Variants in GRIN2A observed in about 807,000 individuals in gnomAD.
GRIN2A encodes glutamate receptor ionotropic, NMDA 2A.
A neutral mutation model predicts 113.4 loss-of-function variants in GRIN2A; 22 were observed. That is an observed-to-expected ratio of 0.19 (90% CI 0.14 to 0.28). The LOEUF is 0.28. Ranked by LOEUF, GRIN2A falls within the 10% of genes least tolerant of loss-of-function variation. The probability of loss-of-function intolerance (pLI) is 1.00; values close to 1 mark genes in which losing one functional copy is unlikely to be tolerated. For missense variants in GRIN2A, 1,502 were observed against 1,887.0 expected (o/e 0.80, Z 3.78); for synonymous variants, 827 against 738.4 (o/e 1.12, Z -1.94).
chr16:10,138,464 G>A (rs543385376), intron 2 of GRIN2A, among the ~76,000 whole-genome samples: 1 of 152,272 alleles, frequency 6.6e-6, no homozygotes, highest in Non-Finnish European at 1.5e-5. Context: ...GGGTAGAAAA[G>A]AAGCAATTGA....
chr16:10,126,048 C>T (rs976751034), intron 2 of GRIN2A, among the ~76,000 whole-genome samples: 5 of 152,100 alleles, frequency 3.3e-5, no homozygotes, highest in Non-Finnish European at 7.4e-5. Flanking sequence ...GCTTAGAGCT[C>T]CTTCCAACTG....
intron 10 of GRIN2A, among the ~76,000 whole-genome samples, chr16:9,806,001 A>G (rs1567311321): frequency 6.6e-6 from 1 of 152,252 alleles, no homozygotes; most frequent in Non-Finnish European, 1.5e-5. Context: ...GTTTGTGAAT[A>G]CAAACTCTAA....
intron 2 of GRIN2A, among the ~76,000 whole-genome samples, chr16:10,040,223 C>A (rs1376514765): frequency 2.0e-5 from 3 of 149,508 alleles, no homozygotes; most frequent in Admixed American, 6.7e-5. Flanking sequence ...CATGCAAATA[C>A]ACTACACACA....
chr16:10,105,882 C>T (rs934103353), intron 2 of GRIN2A, among the ~76,000 whole-genome samples: 3 of 152,078 alleles, frequency 2.0e-5, no homozygotes, highest in Non-Finnish European at 4.4e-5. Context: ...ACGCCAGCCT[C>T]GGTGACAAGG....
At position 9,883,778 on chromosome 16, in the gene GRIN2A, G is replaced by T. The variant is rs540214095; in HGVS notation, c.1122+7208C>A. On this transcript the variant is annotated intron_variant, in intron 4 of 12. Coordinates refer to ENST00000330684, the MANE Select transcript of GRIN2A (RefSeq NM_001134407.3). ...GAGACAGATCTGGGCTGGAGGGAGA[G>T]ATCTGGTTGTATTTCTGTGCAAAAT... Among the ~76,000 whole-genome samples the T allele has an allele frequency of 6.6e-5, 10 of 152,266 alleles. No homozygotes were observed. In the South Asian group the frequency reaches 1.9e-3, roughly 28 times the overall value.
At chr16:9,956,288 C>A (rs899966564) in intron 2 of GRIN2A, among the ~76,000 whole-genome samples, 2 of 152,132 alleles carry the variant, frequency 1.3e-5, no homozygotes, top group South Asian at 4.1e-4. Context: ...TACCTATAAG[C>A]CACATAATAC....
chr16:10,087,098 G>C (rs983101415), intron 2 of GRIN2A, among the ~76,000 whole-genome samples: 1 of 152,214 alleles, frequency 6.6e-6, no homozygotes, highest in Non-Finnish European at 1.5e-5. Context: ...AGGCTCGAGA[G>C]TCTGACCAAG....
At chr16:9,918,254 T>A (rs1296228906) in intron 3 of GRIN2A, among the ~76,000 whole-genome samples, 1 of 152,130 alleles carries the variant, frequency 6.6e-6, no homozygotes, top group East Asian at 1.9e-4. Context: ...TACTGCAGTA[T>A]CTCCCTATCC....
chr16:10,034,354 A>C (rs568342006), intron 2 of GRIN2A, among the ~76,000 whole-genome samples: 4 of 151,768 alleles, frequency 2.6e-5, no homozygotes, highest in African/African-American at 9.7e-5. Flanking sequence ...GTGAAACCCT[A>C]TCTCTACTAA....
intron 2 of GRIN2A, among the ~76,000 whole-genome samples, chr16:10,128,702 G>A (rs1179699449): frequency 1.3e-5 from 2 of 152,182 alleles, no homozygotes; most frequent in African/African-American, 2.4e-5. Flanking sequence ...ATCTTTACAT[G>A]CTAAATGTCT....
intron 2 of GRIN2A, among the ~76,000 whole-genome samples, chr16:10,030,188 TAA>T (rs34852837): frequency 1.3e-4 from 20 of 151,052 alleles, no homozygotes; most frequent in South Asian, 6.3e-4. Flanking sequence ...GGTGATTTTT[TAA>T]AAAAAAATCA....
In GRIN2A at chr16:9,874,598, C is replaced by G. The variant is rs545730215; in HGVS notation, c.1122+16388G>C. 5.3e-5 allele frequency among the ~76,000 whole-genome samples: 8 copies of G among 152,268 alleles called. No homozygotes were observed. The East Asian group carries it at 1.6e-3, about 30-fold the overall frequency. ...TTCACTACTGATATATGAACGCCACCCATCTCTACCATAAGGTACTGTAGA... is the reference window on the plus strand; with the variant it reads ...TTCACTACTGATATATGAACGCCACGCATCTCTACCATAAGGTACTGTAGA... On this transcript the variant is annotated intron_variant, in intron 4 of 12. Coordinates refer to ENST00000330684, the MANE Select transcript of GRIN2A (RefSeq NM_001134407.3).
chr16:10,050,274 G>A (rs2047334575), intron 2 of GRIN2A, among the ~76,000 whole-genome samples: 1 of 152,192 alleles, frequency 6.6e-6, no homozygotes, highest in Non-Finnish European at 1.5e-5. Flanking sequence ...GACCTCTGGA[G>A]TAGGGATCCC....
chr16:9,906,922 G>A (rs1451605959), intron 3 of GRIN2A, among the ~76,000 whole-genome samples: 10 of 152,214 alleles, frequency 6.6e-5, no homozygotes, highest in South Asian at 2.1e-4. Flanking sequence ...AGCTCACTGC[G>A]GCCTCAACCT....
intron 9 of GRIN2A, among the ~76,000 whole-genome samples, chr16:9,828,067 G>A (rs2042420061): frequency 6.6e-6 from 1 of 152,180 alleles, no homozygotes; most frequent in African/African-American, 2.4e-5. Flanking sequence ...ACTTCCCTGA[G>A]GAGGTAATGT....
intron 3 of GRIN2A, among the ~76,000 whole-genome samples, chr16:9,928,786 T>C (rs1367703965): frequency 6.6e-6 from 1 of 152,138 alleles, no homozygotes. Flanking sequence ...ACCCAAAGCT[T>C]CATCACTTCC....
intron 12 of GRIN2A, among the ~76,000 whole-genome samples, chr16:9,768,203 G>GGC (rs1281564080): frequency 6.6e-6 from 1 of 152,082 alleles, no homozygotes; most frequent in East Asian, 1.9e-4. Context: ...TGGGACTACA[G>GGC]GCGCCCGGCT....
In GRIN2A at chr16:9,759,009, T is replaced by C. The variant is rs370274834; in HGVS notation, c.*4140A>G. 2 of 222,066 alleles carry C rather than the reference T, an allele frequency of 9.0e-6. No individual in the cohort carries two copies. The highest frequency in any genetic ancestry group is 2.2e-5 in the African/African-American group (1 of 44,738). The allele number at this position is 222,066 out of a possible 1,614,324, so 13.8% of individuals were successfully genotyped here. ...AGTCCAATCATGTCTACTATAGCCA[T>C]GGTTAATACAAACAGGCTCCATTTC... On this transcript the variant is annotated 3_prime_UTR_variant, in exon 13 of 13. Transcript: ENST00000330684.
chr16:10,102,929 C>T (rs965865087), intron 2 of GRIN2A, among the ~76,000 whole-genome samples: 4 of 152,228 alleles, frequency 2.6e-5, no homozygotes, highest in African/African-American at 9.6e-5. Context: ...ATCCCACTCA[C>T]AGACATGGAG....
Sources: allele counts gnomAD v4.1 joint callset (sites outside exome capture counted in the v4.1 genomes callset), GRCh38; gene constraint gnomAD v4.1.1; transcripts MANE v1.5; gene names NCBI Gene and HGNC (gene_info 2026-07-23, HGNC 2026-07-21).